PRKG1: variants seen among roughly 807,000 people sequenced by gnomAD.
PRKG1 encodes the protein protein kinase cGMP-dependent 1, also known as cGMP-dependent protein kinase 1.
In PRKG1, 35 loss-of-function variants were observed where a neutral mutation model predicts 88.1. The ratio of observed to expected loss-of-function variants is 0.40; its 90% CI spans 0.30 to 0.53. The LOEUF (loss-of-function observed/expected upper bound fraction) is 0.53, where lower values mean the gene tolerates loss of function less well. PRKG1 is among the 20% of genes least tolerant of loss of function. The pLI is 0.59. For missense variants in PRKG1, 540 were observed against 839.8 expected (o/e 0.64, Z 4.41); for synonymous variants, 303 against 292.5 (o/e 1.04, Z -0.37).
intron 3 of PRKG1, among the ~76,000 whole-genome samples, chr10:51,538,352 G>C (rs544367207): frequency 6.9e-6 from 1 of 145,628 alleles, no homozygotes; most frequent in South Asian, 2.3e-4. Flanking sequence ...TGTATATTAT[G>C]ATATATGATG....
intron 5 of PRKG1, among the ~76,000 whole-genome samples, chr10:52,017,453 A>G (rs1564431460): frequency 6.6e-6 from 1 of 152,144 alleles, no homozygotes; most frequent in Non-Finnish European, 1.5e-5. Context: ...TGCCAGGGAA[A>G]GAAGATTCTG....
chr10:51,318,194 C>T (rs1841369918), intron 2 of PRKG1, among the ~76,000 whole-genome samples: 1 of 152,170 alleles, frequency 6.6e-6, no homozygotes, highest in South Asian at 2.1e-4. Context: ...CAGTAGATAT[C>T]TGCTTGATGT....
chr10:51,983,101 C>A (rs954217445), intron 5 of PRKG1, among the ~76,000 whole-genome samples: 2 of 151,986 alleles, frequency 1.3e-5, no homozygotes, highest in African/African-American at 4.8e-5. Flanking sequence ...GGGGGTTGGT[C>A]GGCTGTTCTC....
intron 5 of PRKG1, among the ~76,000 whole-genome samples, chr10:51,963,740 G>A (rs1038054738): frequency 6.2e-4 from 94 of 152,162 alleles, no homozygotes; most frequent in African/African-American, 2.0e-3. Context: ...GAGGCACTGC[G>A]CCAGCCTCAC....
chr10:52,127,986 T>C (rs898888290), intron 7 of PRKG1: 3 of 955,608 alleles, frequency 3.1e-6, no homozygotes, highest in Admixed American at 1.2e-4. Flanking sequence ...TTGTTTATAA[T>C]TAATTTATTT....
At chr10:51,010,452 C>T (rs1842980437) in intron 1 of PRKG1, among the ~76,000 whole-genome samples, 1 of 152,184 alleles carries the variant, frequency 6.6e-6, no homozygotes, top group Admixed American at 6.5e-5. Context: ...CCTCACTATG[C>T]TGAAATTAAA....
intron 9 of PRKG1, among the ~76,000 whole-genome samples, chr10:52,199,471 C>T (rs572350731): frequency 6.6e-6 from 1 of 152,290 alleles, no homozygotes; most frequent in Non-Finnish European, 1.5e-5. Flanking sequence ...CCACTCTCAG[C>T]ATTACCCATG....
intron 9 of PRKG1, among the ~76,000 whole-genome samples, chr10:52,178,164 G>T (rs931552675): frequency 2.6e-5 from 4 of 151,682 alleles, no homozygotes; most frequent in Non-Finnish European, 5.9e-5. Flanking sequence ...AGAATGCTTT[G>T]CTGTGTCCCA....
At chr10:51,606,209 A>G (rs958710437) in intron 3 of PRKG1, among the ~76,000 whole-genome samples, 1 of 152,128 alleles carries the variant, frequency 6.6e-6, no homozygotes, top group Non-Finnish European at 1.5e-5. Context: ...TCTCATTTTT[A>G]AAGTATTTTC....
intron 3 of PRKG1, among the ~76,000 whole-genome samples, chr10:51,703,789 G>A (rs186285746): frequency 2.0e-5 from 3 of 152,186 alleles, no homozygotes; most frequent in Admixed American, 2.0e-4. Flanking sequence ...CTTTGAACAA[G>A]TTTTCCAGGT....
Position 51,538,400 on chromosome 10 carries a change from TATA to T in PRKG1, c.592+70565_592+70567del, listed in dbSNP as rs1437302403. 6.8e-5 allele frequency among the ~76,000 whole-genome samples: 10 copies of T among 146,172 alleles called. No individual in the cohort carries two copies. In the East Asian group the frequency reaches 1.7e-3, roughly 24 times the overall value. ...TATACATTATTATACATATCATATA[TATA>T]CATATACATATAATATATGATATAT... is the stretch of plus-strand genomic sequence containing the variant. On this transcript the variant is annotated intron_variant, in intron 3 of 17. Coordinates refer to ENST00000373980, the MANE Select transcript of PRKG1 (RefSeq NM_006258.4).
chr10:51,928,680 T>G (rs1842627515), intron 5 of PRKG1, among the ~76,000 whole-genome samples: 1 of 152,188 alleles, frequency 6.6e-6, no homozygotes, highest in South Asian at 2.1e-4. Context: ...TACTTTGACC[T>G]CTCAAATGTG....
intron 3 of PRKG1, among the ~76,000 whole-genome samples, chr10:51,579,180 C>T (rs1160827673): frequency 6.6e-6 from 1 of 151,646 alleles, no homozygotes; most frequent in Non-Finnish European, 1.5e-5. Flanking sequence ...TGGGGTTTCA[C>T]CGTGTTGGCC....
chr10:51,625,646 A>T (rs1839316685), intron 3 of PRKG1, among the ~76,000 whole-genome samples: 1 of 152,182 alleles, frequency 6.6e-6, no homozygotes, highest in African/African-American at 2.4e-5. Flanking sequence ...TTTACTAAAA[A>T]TTATCATTTA....
chr10:51,474,633 A>C (rs1045025366), intron 3 of PRKG1, among the ~76,000 whole-genome samples: 4 of 151,984 alleles, frequency 2.6e-5, no homozygotes, highest in Non-Finnish European at 4.4e-5. Flanking sequence ...ACATTTTTTT[A>C]CATAAAATAT....
At chr10:51,886,268 A>G (rs542923032) in intron 4 of PRKG1, among the ~76,000 whole-genome samples, 6 of 152,306 alleles carry the variant, frequency 3.9e-5, no homozygotes, top group Non-Finnish European at 7.3e-5. Flanking sequence ...TTTATTTTCA[A>G]TATCATATTT....
At chr10:51,716,592 C>T (rs1841892879) in intron 3 of PRKG1, among the ~76,000 whole-genome samples, 1 of 152,312 alleles carries the variant, frequency 6.6e-6, no homozygotes, top group Non-Finnish European at 1.5e-5. Context: ...CAAACATGGG[C>T]TTAAGATTGA....
intron 7 of PRKG1, among the ~76,000 whole-genome samples, chr10:52,110,240 C>T (rs1265888904): frequency 1.3e-5 from 2 of 150,682 alleles, no homozygotes; most frequent in African/African-American, 5.0e-5. Context: ...CCCAGCTACT[C>T]GGGAGGCTGA....
chr10:51,150,838 C>A (rs1037855436), intron 1 of PRKG1, among the ~76,000 whole-genome samples: 1 of 151,982 alleles, frequency 6.6e-6, no homozygotes, highest in African/African-American at 2.4e-5. Context: ...TGTGTTAGGG[C>A]TCATTGTTTA....
Sources: allele counts gnomAD v4.1 joint callset (sites outside exome capture counted in the v4.1 genomes callset), GRCh38; gene constraint gnomAD v4.1.1; transcripts MANE v1.5; gene names NCBI Gene and HGNC (gene_info 2026-07-23, HGNC 2026-07-21).